The following LINGO2 variants were observed in gnomAD, a reference collection of about 807,000 sequenced individuals.
The protein encoded by LINGO2 is leucine rich repeat and Ig domain containing 2, also known as leucine-rich repeat and immunoglobulin-like domain-containing nogo receptor-interacting protein 2.
LINGO2 carries 14 observed loss-of-function variants against 30.6 expected under a neutral mutation model. The ratio of observed to expected loss-of-function variants is 0.46; its 90% CI spans 0.30 to 0.72. The LOEUF is 0.72. Ranked by LOEUF, LINGO2 falls within the 30% of genes least tolerant of loss-of-function variation. LINGO2 has a pLI of 0.07. For missense variants in LINGO2, 729 were observed against 751.7 expected (o/e 0.97, Z 0.35); for synonymous variants, 317 against 288.5 (o/e 1.10, Z -1.00).
chr9:28,963,502 G>A, the LINGO2 span, among the ~76,000 whole-genome samples: 1 of 143,964 alleles, frequency 6.9e-6, no homozygotes, highest in Non-Finnish European at 1.5e-5. Context: ...ATCAACCTAA[G>A]TATATATCAA....
At chr9:28,940,448 G>C in the LINGO2 span, among the ~76,000 whole-genome samples, 2 of 137,144 alleles carry the variant, frequency 1.5e-5, no homozygotes, top group South Asian at 5.3e-4. Flanking sequence ...TTAAATGAGA[G>C]CTGTCCATGC....
At chr9:28,033,388 T>C (rs890226944) in intron 4 of LINGO2, among the ~76,000 whole-genome samples, 12 of 152,156 alleles carry the variant, frequency 7.9e-5, no homozygotes, top group Non-Finnish European at 1.5e-4. Flanking sequence ...GATCTCTTAT[T>C]AGCAGTCATC....
chr9:28,160,609 T>A (rs1828258895), intron 4 of LINGO2, among the ~76,000 whole-genome samples: 1 of 152,224 alleles, frequency 6.6e-6, no homozygotes, highest in Non-Finnish European at 1.5e-5. Flanking sequence ...CTGTGATTTC[T>A]CTAACAATGT....
At chr9:28,993,267 A>T in the LINGO2 span, among the ~76,000 whole-genome samples, 3 of 152,296 alleles carry the variant, frequency 2.0e-5, no homozygotes, top group Admixed American at 2.0e-4. Flanking sequence ...AAAATCTAGA[A>T]GAAATGGATA....
chr9:28,562,457 CAAAA>C lies in LINGO2; in HGVS notation c.-364-86436_-364-86433del, dbSNP rs56998877. Among the ~76,000 whole-genome samples, 11 of 109,204 alleles carry C rather than the reference CAAAA, an allele frequency of 1.0e-4. No individual in the cohort carries two copies. In the South Asian group the frequency reaches 1.0e-3, roughly 10 times the overall value. 71.6% of individuals were successfully genotyped at this position (109,204 alleles called of 152,430 possible). On this transcript the variant is annotated intron_variant, in intron 1 of 5. Transcript: ENST00000379992. ...GAAATAAGCAATGTGCATTTACTTT[CAAAA>C]AAAAAAAAAAAAAACAGAAAAAACA... is the stretch of plus-strand genomic sequence containing the variant.
intron 4 of LINGO2, among the ~76,000 whole-genome samples, chr9:28,029,310 G>T (rs989093523): frequency 1.1e-4 from 16 of 152,152 alleles, no homozygotes; most frequent in African/African-American, 3.9e-4. Flanking sequence ...CCAGGAATCT[G>T]AATTTTAACA....
chr9:29,077,277 T>C, the LINGO2 span, among the ~76,000 whole-genome samples: 1 of 151,976 alleles, frequency 6.6e-6, no homozygotes, highest in Non-Finnish European at 1.5e-5. Flanking sequence ...AAAGAAATCA[T>C]GAAGCTGAAA....
At chr9:28,690,217 C>T in the LINGO2 span, among the ~76,000 whole-genome samples, 1 of 151,838 alleles carries the variant, frequency 6.6e-6, no homozygotes, top group African/African-American at 2.4e-5. Flanking sequence ...GCACATGTAC[C>T]CCTGAAGTTA....
chr9:29,005,592 T>G, the LINGO2 span, among the ~76,000 whole-genome samples: 25 of 152,152 alleles, frequency 1.6e-4, 1 homozygote, highest in Admixed American at 1.5e-3. Context: ...ATACATGCTA[T>G]GTTAATATAG....
chr9:29,158,931 G>A, the LINGO2 span, among the ~76,000 whole-genome samples: 2 of 152,138 alleles, frequency 1.3e-5, no homozygotes, highest in Non-Finnish European at 2.9e-5. Context: ...ACACCTAAAT[G>A]TTACTAAGAG....
At chr9:28,479,401 A>C (rs2135209407) in intron 1 of LINGO2, among the ~76,000 whole-genome samples, 1 of 152,114 alleles carries the variant, frequency 6.6e-6, no homozygotes, top group South Asian at 2.1e-4. Context: ...ATTAAAGGAC[A>C]ATATGCCAAA....
chr9:28,912,862 A>G, the LINGO2 span, among the ~76,000 whole-genome samples: 1 of 152,158 alleles, frequency 6.6e-6, no homozygotes, highest in Non-Finnish European at 1.5e-5. Context: ...TTTTGGATTC[A>G]TGACATCACC....
intron 1 of LINGO2, among the ~76,000 whole-genome samples, chr9:28,622,452 CT>C (rs1269885896): frequency 6.6e-6 from 1 of 151,526 alleles, no homozygotes; most frequent in Admixed American, 6.6e-5. Context: ...CAATGTTTGT[CT>C]TTCTGTGTCT....
At chr9:28,008,561 A>T (rs2119217942) in intron 5 of LINGO2, among the ~76,000 whole-genome samples, 1 of 124,968 alleles carries the variant, frequency 8.0e-6, no homozygotes, top group East Asian at 2.4e-4. Context: ...AAAATAATCC[A>T]CTAAAAACTA....
chr9:28,607,541 G>C (rs939403873), intron 1 of LINGO2, among the ~76,000 whole-genome samples: 2 of 151,976 alleles, frequency 1.3e-5, no homozygotes, highest in Admixed American at 6.6e-5. Flanking sequence ...GTATGCCATA[G>C]AACTTTCACT....
At chr9:28,749,581 G>T in the LINGO2 span, among the ~76,000 whole-genome samples, 23 of 151,704 alleles carry the variant, frequency 1.5e-4, no homozygotes, top group Non-Finnish European at 3.2e-4. Flanking sequence ...GCTAACCAAA[G>T]AGTTTAATCA....
chr9:28,602,063 C>A (rs1429339174), intron 1 of LINGO2, among the ~76,000 whole-genome samples: 1 of 151,954 alleles, frequency 6.6e-6, no homozygotes, highest in Admixed American at 6.6e-5. Context: ...GAGAAATGAG[C>A]AAGGGAGTGG....
intron 2 of LINGO2, among the ~76,000 whole-genome samples, chr9:28,462,989 T>A (rs916853736): frequency 2.0e-5 from 3 of 152,190 alleles, no homozygotes; most frequent in Admixed American, 6.5e-5. Flanking sequence ...ACATACAGGG[T>A]TAAATATCCT....
chr9:28,341,100 A>G (rs966368855), intron 3 of LINGO2, among the ~76,000 whole-genome samples: 8 of 152,158 alleles, frequency 5.3e-5, no homozygotes, highest in Non-Finnish European at 1.0e-4. Flanking sequence ...TGAACAAAGA[A>G]AGTTGACTAA....
Sources: gnomAD v4.1 joint callset for allele counts (sites outside exome capture counted in the v4.1 genomes callset) on GRCh38, gnomAD v4.1.1 for gene constraint, MANE v1.5 for transcripts, NCBI Gene and HGNC (gene_info 2026-07-23, HGNC 2026-07-21) for gene names.